Variants in FYB1 observed in about 807,000 individuals in gnomAD.
FYB1 encodes the protein FYN-binding protein 1.
Under a neutral mutation model 94.1 loss-of-function variants are expected in FYB1, and 41 were observed. That is an observed-to-expected ratio of 0.44 (90% CI 0.34 to 0.57). FYB1 has a LOEUF of 0.57. Among genes scored for constraint, FYB1 ranks in the 20% least tolerant of loss-of-function variants. FYB1 has a pLI of 0.02. For missense variants in FYB1, 1,050 were observed against 976.8 expected (o/e 1.07, Z -1.00); for synonymous variants, 367 against 353.2 (o/e 1.04, Z -0.44).
chr5:39,147,067 G>C (rs1364287023), intron 3 of FYB1, among the ~76,000 whole-genome samples: 1 of 151,906 alleles, frequency 6.6e-6, no homozygotes, highest in African/African-American at 2.4e-5. Context: ...CAGAAGGAGG[G>C]GGTGAATGAG....
At chr5:39,244,361 A>G (rs1286123562) in intron 1 of FYB1, among the ~76,000 whole-genome samples, 2 of 151,880 alleles carry the variant, frequency 1.3e-5, no homozygotes, top group Non-Finnish European at 2.9e-5. Context: ...AGGACTGTTG[A>G]ATTTTGTCAA....
intron 1 of FYB1, among the ~76,000 whole-genome samples, chr5:39,209,513 A>G (rs1200106498): frequency 6.6e-6 from 1 of 152,032 alleles, no homozygotes; most frequent in Non-Finnish European, 1.5e-5. Context: ...TTTAATAGAG[A>G]TGGGGTCTCA....
chr5:39,119,107 A>G, intron 15 of FYB1, 71 bp from the exon 16 acceptor site: 6 of 702,166 alleles, frequency 8.5e-6, no homozygotes, highest in South Asian at 4.1e-5. Flanking sequence ...TTATGGATGG[A>G]TTTATTAAAA....
chr5:39,157,762 T>C (rs1318754739), intron 2 of FYB1, among the ~76,000 whole-genome samples: 1 of 152,158 alleles, frequency 6.6e-6, no homozygotes, highest in East Asian at 1.9e-4. Flanking sequence ...GTACTGGAAC[T>C]GAAAAGACCA....
intron 1 of FYB1, among the ~76,000 whole-genome samples, chr5:39,209,318 T>C (rs115962410): frequency 0.013 from 1,676 of 126,258 alleles, 28 homozygotes; most frequent in African/African-American, 0.044. Context: ...CGATTAACAC[T>C]GTTTAAATAT....
At position 39,119,820 on chromosome 5, in the gene FYB1, A is replaced by C. The variant is rs150252470; in HGVS notation, c.2139-186T>G. 8.5e-3 allele frequency among the ~76,000 whole-genome samples: 1,294 copies of C among 152,250 alleles called. 18 individuals carry two copies. The highest frequency in any genetic ancestry group is 0.029 in the African/African-American group (1,220 of 41,584). On this transcript the variant is annotated intron_variant, in intron 14 of 18. Coordinates refer to ENST00000512982, the MANE Select transcript of FYB1 (RefSeq NM_001465.6). ...TCCATAATGTAGGAGGGTTTCCTCA[A>C]GCAAATATAGATTATGAGAATTAAA... is the stretch of plus-strand genomic sequence containing the variant.
At chr5:39,222,829 T>C (rs1750325886), upstream of FYB1, among the ~76,000 whole-genome samples, 1 of 152,176 alleles carries the variant, frequency 6.6e-6, no homozygotes, top group South Asian at 2.1e-4. Flanking sequence ...ATTTGTGCAG[T>C]AATATTATTT....
At chr5:39,193,709 C>A (rs927988007) in intron 2 of FYB1, among the ~76,000 whole-genome samples, 1 of 152,196 alleles carries the variant, frequency 6.6e-6, no homozygotes, top group Non-Finnish European at 1.5e-5. Flanking sequence ...CTAAATACCA[C>A]AACAGGATCA....
In FYB1 at chr5:39,202,914, A is replaced by G; in HGVS notation, c.47T>C (p.Val16Ala). ...TGTGACTCTGAAGGGTCGGCTATTG[A>G]CTGAGACATCCTCTGTCGGGTTGCC... ...TGGNPTEDVS[V>A]NSRPFRVTGP... Residue 16 changes from valine to alanine, a missense_variant, in exon 2 of 19, where the codon GTC becomes GCC. By Grantham distance (64) the Val-to-Ala change is moderately conservative (BLOSUM62 0). Coordinates refer to ENST00000512982, the MANE Select transcript of FYB1 (RefSeq NM_001465.6). 1 of 1,613,948 alleles carries G rather than the reference A, an allele frequency of 6.2e-7. No individual in the cohort carries two copies. Among genetic ancestry groups the G allele is most frequent in the Non-Finnish European group, 8.5e-7 (1 of 1,179,890 alleles).
intron 2 of FYB1, among the ~76,000 whole-genome samples, chr5:39,176,903 T>C (rs1414986936): frequency 6.6e-6 from 1 of 152,184 alleles, no homozygotes; most frequent in Non-Finnish European, 1.5e-5. Flanking sequence ...AGGTTTCATC[T>C]TGATAGGCAG....
At chr5:39,201,299 T>C (rs1748294172) in intron 2 of FYB1, among the ~76,000 whole-genome samples, 1 of 152,166 alleles carries the variant, frequency 6.6e-6, no homozygotes, top group Non-Finnish European at 1.5e-5. Flanking sequence ...TCCTGGCCAT[T>C]GTAGGATGTT....
intron 2 of FYB1, among the ~76,000 whole-genome samples, chr5:39,163,008 T>G (rs1212787543): frequency 6.6e-6 from 1 of 152,194 alleles, no homozygotes; most frequent in Non-Finnish European, 1.5e-5. Context: ...TTTGATATAA[T>G]ACAGAGTTTC....
intron 1 of FYB1, among the ~76,000 whole-genome samples, chr5:39,215,487 T>G (rs1343854750): frequency 6.6e-6 from 1 of 152,166 alleles, no homozygotes; most frequent in African/African-American, 2.4e-5. Context: ...GCACTTGCTG[T>G]GTGGTCCAAC....
At chr5:39,115,009 C>T (rs1580298152) in intron 16 of FYB1, among the ~76,000 whole-genome samples, 1 of 152,018 alleles carries the variant, frequency 6.6e-6, no homozygotes, top group East Asian at 1.9e-4. Context: ...GGGGGTGCTT[C>T]TAATTTTAGA....
intron 1 of FYB1, among the ~76,000 whole-genome samples, chr5:39,216,646 G>C (rs1269133509): frequency 3.9e-5 from 6 of 152,116 alleles, no homozygotes; most frequent in Non-Finnish European, 8.8e-5. Flanking sequence ...CAGTCTATGT[G>C]GATGAAGTTT....
At chr5:39,165,463 A>G (rs1411730561) in intron 2 of FYB1, among the ~76,000 whole-genome samples, 2 of 152,206 alleles carry the variant, frequency 1.3e-5, no homozygotes, top group African/African-American at 4.8e-5. Context: ...CTGGGCTCCT[A>G]TCTCTCACCA....
rs193260260 is a variant in FYB1 at position 39,202,158 on chromosome 5, G to A, written c.803C>T (p.Ala268Val). The change falls in exon 2 of 19, where the codon GCG (alanine) becomes GTG (valine). Residue 268 changes from alanine (A) to valine (V), a missense_variant. Ala to Val is a moderately conservative substitution (Grantham distance 64). Transcript: ENST00000512982. The part of the protein sequence containing the change: ...PFPGVVLKPA[A>V]SRGGPGLSKN... ...GGAGAGACCTGGGCCTCCCCTGCTC[G>A]CAGCAGGTTTCAAAACCACTCCAGG... The A allele has an allele frequency of 1.7e-5, 27 of 1,613,780 alleles. No individual in the cohort carries two copies. Among genetic ancestry groups the A allele is most frequent in the African/African-American group, 5.3e-5 (4 of 74,858 alleles).
intron 1 of FYB1, among the ~76,000 whole-genome samples, chr5:39,248,927 G>T (rs1254891635): frequency 6.6e-6 from 1 of 152,176 alleles, no homozygotes; most frequent in Non-Finnish European, 1.5e-5. Flanking sequence ...GTCCAATGTG[G>T]TAGCCATTAG....
chr5:39,107,419 C>T lies in FYB1; in HGVS notation c.*24G>A. On this transcript the variant is annotated 3_prime_UTR_variant, in exon 19 of 19. Coordinates refer to ENST00000512982, the MANE Select transcript of FYB1 (RefSeq NM_001465.6). The stretch of plus-strand genomic sequence containing the variant: ...ACTTCACATTGGCACCTAATGAACA[C>T]AGCAGAATGACCAAAGTTGAGTGCT... The T allele has an allele frequency of 6.6e-7, 1 of 1,522,452 alleles. No homozygotes were observed. Among genetic ancestry groups the T allele is most frequent in the Non-Finnish European group, 8.9e-7 (1 of 1,129,548 alleles). The allele number at this position is 1,522,452 out of a possible 1,614,324, so 94.3% of individuals were successfully genotyped here. A position where few individuals can be genotyped will look rare whatever the true frequency, so the allele number is the denominator to read the frequency against.
Sources: allele counts gnomAD v4.1 joint callset (sites outside exome capture counted in the v4.1 genomes callset), GRCh38; gene constraint gnomAD v4.1.1; transcripts MANE v1.5; gene names NCBI Gene and HGNC (gene_info 2026-07-23, HGNC 2026-07-21).